PDZRN3: variants seen among roughly 807,000 people sequenced by gnomAD.
The protein encoded by PDZRN3 is PDZ domain containing ring finger 3.
Under a neutral mutation model 85.7 loss-of-function variants are expected in PDZRN3, and 38 were observed. The ratio of observed to expected loss-of-function variants is 0.44; its 90% confidence interval spans 0.34 to 0.58. The LOEUF is 0.58. Among genes scored for constraint, PDZRN3 ranks in the 20% least tolerant of loss-of-function variants. PDZRN3 has a pLI of 0.01. For synonymous variants in PDZRN3, 759 were observed against 638.0 expected (o/e 1.19, Z -2.86); for missense variants, 1,629 against 1,506.4 (o/e 1.08, Z -1.35).
intron 3 of PDZRN3, among the ~76,000 whole-genome samples, chr3:73,583,632 G>C (rs550917838): frequency 6.6e-6 from 1 of 152,132 alleles, no homozygotes; most frequent in African/African-American, 2.4e-5. Flanking sequence ...ACAACAGGAA[G>C]GGAGAAAACT....
intron 3 of PDZRN3, among the ~76,000 whole-genome samples, chr3:73,538,107 A>C (rs1243659208): frequency 6.6e-6 from 1 of 152,112 alleles, no homozygotes; most frequent in Non-Finnish European, 1.5e-5. Context: ...TGGGAACACA[A>C]AGTCTGTTCA....
At position 73,426,158 on chromosome 3, in the gene PDZRN3, G is replaced by GAT. The variant is rs563081122; in HGVS notation, c.919-21765_919-21764dup. ...GTGATTCAGAGAAAGAATATGGTGA[G>GAT]ATATATATATACACACATGCATATG... On this transcript the variant is annotated intron_variant, in intron 3 of 9. Coordinates refer to ENST00000263666, the MANE Select transcript of PDZRN3 (RefSeq NM_015009.3). 1.8e-4 allele frequency among the ~76,000 whole-genome samples: 27 copies of GAT among 151,818 alleles called. No homozygotes were observed. The East Asian group carries it at 2.9e-3, about 16-fold the overall frequency.
intron 3 of PDZRN3, among the ~76,000 whole-genome samples, chr3:73,585,569 C>T (rs1024004878): frequency 6.6e-6 from 1 of 152,198 alleles, no homozygotes; most frequent in African/African-American, 2.4e-5. Context: ...CCCCACACCC[C>T]CAGAAACCCT....
At chr3:73,449,313 G>C (rs1474227193) in intron 3 of PDZRN3, among the ~76,000 whole-genome samples, 1 of 151,894 alleles carries the variant, frequency 6.6e-6, no homozygotes, top group African/African-American at 2.4e-5. Flanking sequence ...TTCATATTCG[G>C]GCACTGGATG....
At chr3:73,405,931 A>G (rs1359019106) in intron 3 of PDZRN3, among the ~76,000 whole-genome samples, 2 of 152,204 alleles carry the variant, frequency 1.3e-5, no homozygotes, top group Non-Finnish European at 2.9e-5. Context: ...CTGTAGGGAC[A>G]ACAACTCTTA....
intron 3 of PDZRN3, among the ~76,000 whole-genome samples, chr3:73,523,438 C>T (rs1229659745): frequency 2.0e-5 from 3 of 151,142 alleles, no homozygotes; most frequent in Non-Finnish European, 4.4e-5. Context: ...TTTAAATAGT[C>T]ACAAATTGCA....
At chr3:73,511,604 C>A (rs1704166060) in intron 3 of PDZRN3, among the ~76,000 whole-genome samples, 1 of 152,230 alleles carries the variant, frequency 6.6e-6, no homozygotes, top group East Asian at 1.9e-4. Context: ...GGGAACAGAT[C>A]TGGGGATGGA....
rs558204070 is a variant in PDZRN3, at chr3:73,577,440, A to G, written c.918+24914T>C. ...CCATGCTAAGTGCATTGTGTGCCATATCTCATTTCCTCCTCCTGCCAGAGA... is the reference window on the plus strand; with the variant it reads ...CCATGCTAAGTGCATTGTGTGCCATGTCTCATTTCCTCCTCCTGCCAGAGA... On this transcript the variant is annotated intron_variant, in intron 3 of 9. Transcript: ENST00000263666. 2.0e-5 allele frequency among the ~76,000 whole-genome samples: 3 copies of G among 152,278 alleles called. No individual in the cohort carries two copies. The South Asian group carries it at 6.2e-4, about 32-fold the overall frequency.
At chr3:73,482,452 G>A (rs965749365) in intron 3 of PDZRN3, among the ~76,000 whole-genome samples, 4 of 152,134 alleles carry the variant, frequency 2.6e-5, no homozygotes, top group East Asian at 1.9e-4. Flanking sequence ...TCTCCTACGC[G>A]TTTATAGTGA....
intron 3 of PDZRN3, chr3:73,433,501 A>T (rs1434936587): frequency 1.6e-6 from 1 of 608,882 alleles, no homozygotes; most frequent in Non-Finnish European, 2.8e-6. Context: ...ATACACAAAA[A>T]AGTCAGAAAG....
chr3:73,607,517 T>A (rs372124809), intron 2 of PDZRN3, among the ~76,000 whole-genome samples: 1 of 152,192 alleles, frequency 6.6e-6, no homozygotes, highest in Non-Finnish European at 1.5e-5. Context: ...AGTCTCTCCA[T>A]CTGGAGGTGA....
At chr3:73,414,801 G>A (rs1702042986) in intron 3 of PDZRN3, among the ~76,000 whole-genome samples, 1 of 152,132 alleles carries the variant, frequency 6.6e-6, no homozygotes, top group Non-Finnish European at 1.5e-5. Flanking sequence ...CTTCTCAAAT[G>A]CCTCCAATTT....
chr3:73,423,169 T>C (rs151018617), intron 3 of PDZRN3, among the ~76,000 whole-genome samples: 220 of 152,294 alleles, frequency 1.4e-3, no homozygotes, highest in African/African-American at 4.7e-3. Context: ...AACTGAAATA[T>C]TGTTATGAAG....
chr3:73,590,398 C>T (rs951684058), intron 3 of PDZRN3, among the ~76,000 whole-genome samples: 1 of 151,938 alleles, frequency 6.6e-6, no homozygotes, highest in Non-Finnish European at 1.5e-5. Flanking sequence ...GGTAACAATT[C>T]TCTGAGAAAA....
chr3:73,616,668 C>A lies in PDZRN3; in HGVS notation c.723+7435G>T, dbSNP rs1702767275. 1.3e-5 allele frequency among the ~76,000 whole-genome samples: 2 copies of A among 152,180 alleles called. 1 individual carries two copies. Among genetic ancestry groups the A allele is most frequent in the Admixed American group, 1.3e-4 (2 of 15,276 alleles). Reference sequence around the variant, plus strand: ...ATAACAACTGCTTTAAATTCCTAAACTTTCTTCAGTGATTTATTTGAAAAA... The same window carrying A: ...ATAACAACTGCTTTAAATTCCTAAAATTTCTTCAGTGATTTATTTGAAAAA... On this transcript the variant is annotated intron_variant, in intron 1 of 9. Transcript: ENST00000263666.
chr3:73,435,032 G>C (rs567422618), intron 3 of PDZRN3, among the ~76,000 whole-genome samples: 3 of 152,166 alleles, frequency 2.0e-5, no homozygotes, highest in Admixed American at 1.3e-4. Context: ...ATTTTACAAA[G>C]GTTTCATTTT....
intron 8 of PDZRN3, among the ~76,000 whole-genome samples, chr3:73,387,314 G>C (rs113373229): frequency 6.6e-6 from 1 of 152,238 alleles, no homozygotes; most frequent in African/African-American, 2.4e-5. Flanking sequence ...TGGATCAAGA[G>C]TGCCACCTGG....
Position 73,464,612 on chromosome 3 carries a change from C to A in PDZRN3, c.919-60217G>T, listed in dbSNP as rs1213853467. The stretch of plus-strand genomic sequence containing the variant: ...TTTTTCTTATTATATTGGCTAGAAT[C>A]CCCAGTACAACGTTGAATCATTATT... On this transcript the variant is annotated intron_variant, in intron 3 of 9. Coordinates refer to ENST00000263666, the MANE Select transcript of PDZRN3 (RefSeq NM_015009.3). 7.9e-5 allele frequency among the ~76,000 whole-genome samples: 12 copies of A among 152,066 alleles called. 1 individual carries two copies. The South Asian group carries it at 2.3e-3, about 29-fold the overall frequency.
Position 73,624,111 on chromosome 3 carries a change from C to G in PDZRN3, c.715G>C (p.Gly239Arg), listed in dbSNP as rs34757207. 4,280 of 1,459,568 alleles carry G rather than the reference C, an allele frequency of 2.9e-3. 6 individuals are homozygous for G. The highest frequency in any genetic ancestry group is 3.6e-3 in the Non-Finnish European group (3,963 of 1,114,034). 90.4% of individuals were successfully genotyped at this position (1,459,568 alleles called of 1,614,324 possible). ...SLSRCVAAPP[G>R]GKGEETKSLT... ...GGGCAGCAGGCGCCTACCTTGCCGC[C>G]GGGCGGCGCGGCCACGCAGCGGCTG... Residue 239 changes from glycine (G) to arginine (R), a missense_variant, in exon 1 of 10, where the codon GGC (glycine) becomes CGC (arginine). Physicochemically the swap from Gly to Arg is moderately radical, Grantham distance 125. Transcript: ENST00000263666.
Sources: allele counts gnomAD v4.1 joint callset (sites outside exome capture counted in the v4.1 genomes callset), GRCh38; gene constraint gnomAD v4.1.1; transcripts MANE v1.5; gene names NCBI Gene and HGNC (gene_info 2026-07-23, HGNC 2026-07-21).